MYO18B: variants seen among roughly 807,000 people sequenced by gnomAD.
MYO18B encodes the protein myosin XVIIIB.
In MYO18B, 204 loss-of-function variants were observed where a neutral mutation model predicts 273.0. The observed-to-expected ratio is 0.75, with a 90% CI of 0.67 to 0.84. The LOEUF (loss-of-function observed/expected upper bound fraction) is 0.84, where lower values mean the gene tolerates loss of function less well. Among genes scored for constraint, MYO18B ranks in the 40% least tolerant of loss-of-function variants. The pLI, the probability that MYO18B is intolerant of heterozygous loss-of-function variation, is 0.00. For synonymous variants in MYO18B, 1,330 were observed against 1,305.7 expected, an observed-to-expected ratio of 1.02 and a Z score of -0.40; for missense variants, 3,212 against 3,287.6, an observed-to-expected ratio of 0.98 and a Z score of 0.56.
At chr22:25,751,397 T>C (rs133865) in intron 1 of MYO18B, among the ~76,000 whole-genome samples, 119,289 of 152,188 alleles carry the variant, frequency 0.78, 47,700 homozygotes, top group African/African-American at 0.94. Context: ...CCCTGCACAC[T>C]CTGCCCTACC....
intron 21 of MYO18B, among the ~76,000 whole-genome samples, chr22:25,855,992 A>G (rs1316861872): frequency 6.6e-6 from 1 of 151,854 alleles, no homozygotes; most frequent in Admixed American, 6.6e-5. Flanking sequence ...CCCTCCTCCC[A>G]CTCTTTACCC....
chr22:25,832,439 C>T (rs2089742689), intron 15 of MYO18B, among the ~76,000 whole-genome samples: 1 of 152,096 alleles, frequency 6.6e-6, no homozygotes, highest in Non-Finnish European at 1.5e-5. Context: ...ATTATTCAGC[C>T]TTCAAAAGGA....
chr22:25,841,694 A>G (rs1410086509), intron 17 of MYO18B, among the ~76,000 whole-genome samples: 2 of 152,208 alleles, frequency 1.3e-5, no homozygotes, highest in Non-Finnish European at 2.9e-5. Context: ...GCAAACATCA[A>G]CATCCTTTCT....
At position 25,835,446 on chromosome 22, in the gene MYO18B, A is replaced by G. The variant is rs1394195181; in HGVS notation, c.3208+3A>G. 1.2e-6 allele frequency: 2 copies of G among 1,613,596 alleles called. No homozygotes were observed. Among genetic ancestry groups the G allele is most frequent in the Admixed American group, 1.7e-5 (1 of 60,006 alleles). ...GAAGAAAGGAGCTGGGACTGAAGGTAAGGAAGCAGGGGGCTGGGGATGGGG... is the reference window on the plus strand; with the variant it reads ...GAAGAAAGGAGCTGGGACTGAAGGTGAGGAAGCAGGGGGCTGGGGATGGGG... On this transcript the variant is annotated splice_donor_region_variant and intron_variant, in intron 17 of 43. Coordinates refer to ENST00000335473, the MANE Select transcript of MYO18B (RefSeq NM_032608.7).
chr22:25,954,835 C>T (rs2092830227), intron 38 of MYO18B, among the ~76,000 whole-genome samples: 2 of 152,214 alleles, frequency 1.3e-5, no homozygotes, highest in South Asian at 4.2e-4. Context: ...CCTCAGCCTC[C>T]CAAGTAGCAG....
Position 25,772,377 on chromosome 22 carries a change from T to C in MYO18B, c.1736T>C (p.Leu579Pro), listed in dbSNP as rs1224846194. 3 of 1,613,982 alleles carry C rather than the reference T, an allele frequency of 1.9e-6. No homozygotes were observed. Among genetic ancestry groups the C allele is most frequent in the Non-Finnish European group, 2.5e-6 (3 of 1,179,882 alleles). The part of the protein sequence containing the change: ...ELDQVEDLAS[L>P]ISVNESSVLN... ...GACCAGGTCGAGGACCTGGCCTCTCTCATCAGTGTCAACGAATCCAGTGTC... is the reference window on the plus strand; with the variant it reads ...GACCAGGTCGAGGACCTGGCCTCTCCCATCAGTGTCAACGAATCCAGTGTC... Residue 579 changes from leucine (L) to proline (P), a missense_variant, in exon 7 of 44, where the codon CTC becomes CCC. Coordinates refer to ENST00000335473, the MANE Select transcript of MYO18B (RefSeq NM_032608.7).
At chr22:25,764,824 A>G (rs921984030) in intron 3 of MYO18B, among the ~76,000 whole-genome samples, 2 of 152,120 alleles carry the variant, frequency 1.3e-5, no homozygotes, top group Non-Finnish European at 2.9e-5. Context: ...CTCATTTAAT[A>G]CCCCGTGCAG....
At chr22:26,041,173 A>G in the MYO18B span, among the ~76,000 whole-genome samples, 1 of 151,762 alleles carries the variant, frequency 6.6e-6, no homozygotes, top group Non-Finnish European at 1.5e-5. Flanking sequence ...CTCATAAGCT[A>G]TCATTAGTGT....
chr22:25,912,501 TA>T lies in MYO18B; in HGVS notation c.5364+1456del, dbSNP rs2092177786. ...TAAAGAGAAGGTAAGTTTAAATGAA[TA>T]AAAAGCCATCTTTGTGTTAGTCACC... On this transcript the variant is annotated intron_variant, in intron 33 of 43. Coordinates refer to ENST00000335473, the MANE Select transcript of MYO18B (RefSeq NM_032608.7). Among the ~76,000 whole-genome samples, 3 of 152,198 alleles carry T rather than the reference TA, an allele frequency of 2.0e-5. No homozygotes were observed. The South Asian group carries it at 6.2e-4, about 32-fold the overall frequency.
At chr22:25,963,742 C>A (rs2092946004) in intron 39 of MYO18B, among the ~76,000 whole-genome samples, 1 of 151,638 alleles carries the variant, frequency 6.6e-6, no homozygotes, top group South Asian at 2.1e-4. Flanking sequence ...ATTTCCTCAT[C>A]TGTAAAATAG....
intron 19 of MYO18B, among the ~76,000 whole-genome samples, chr22:25,846,964 C>G (rs5761274): frequency 0.35 from 52,885 of 151,734 alleles, 9,951 homozygotes; most frequent in East Asian, 0.68. Context: ...GTCTGTAGTC[C>G]CGCTACTTGG....
In MYO18B at chr22:25,752,992, C is replaced by T. The variant is rs964283802; in HGVS notation, c.-109-7992C>T. 3.9e-5 allele frequency among the ~76,000 whole-genome samples: 6 copies of T among 152,344 alleles called. No individual in the cohort carries two copies. In the East Asian group the frequency reaches 7.7e-4, roughly 20 times the overall value. On this transcript the variant is annotated intron_variant, in intron 1 of 43. Coordinates refer to ENST00000335473, the MANE Select transcript of MYO18B (RefSeq NM_032608.7). ...GCTGGGTCCCCCAGCACTGCTGGCC[C>T]GCCCGCGCTGCGCTCGAATTCTCAC... is the stretch of plus-strand genomic sequence containing the variant.
chr22:25,871,966 C>G (rs907657452), intron 22 of MYO18B, among the ~76,000 whole-genome samples: 1 of 132,594 alleles, frequency 7.5e-6, no homozygotes, highest in African/African-American at 2.5e-5. Flanking sequence ...GCTGTCATAA[C>G]TTTGATCATT....
In MYO18B at chr22:25,847,477, C is replaced by T; in HGVS notation, c.3600C>T (p.His1200=). 1.3e-6 allele frequency: 2 copies of T among 1,582,082 alleles called. No individual in the cohort carries two copies. The highest frequency in any genetic ancestry group is 1.7e-6 in the Non-Finnish European group (2 of 1,163,820). ...AAAGGTCCCGGCTGCACTTTATCCACTGCCTGGTACCAAACCCTGTGGTGG... is the reference window on the plus strand; with the variant it reads ...AAAGGTCCCGGCTGCACTTTATCCATTGCCTGGTACCAAACCCTGTGGTGG... The part of the protein sequence containing the change: ...MIKRSRLHFI[H]CLVPNPVVES... The change falls in exon 20 of 44, where the codon CAC becomes CAT. Residue 1200 remains histidine, a synonymous_variant. Coordinates refer to ENST00000335473, the MANE Select transcript of MYO18B (RefSeq NM_032608.7).
At chr22:25,885,579 T>C (rs1601465783) in intron 25 of MYO18B, among the ~76,000 whole-genome samples, 1 of 151,558 alleles carries the variant, frequency 6.6e-6, no homozygotes, top group Non-Finnish European at 1.5e-5. Flanking sequence ...GTTTGGGGGG[T>C]TGAGGGGTTG....
intron 34 of MYO18B, among the ~76,000 whole-genome samples, chr22:25,942,769 A>G (rs1225321587): frequency 6.6e-6 from 1 of 152,148 alleles, no homozygotes; most frequent in African/African-American, 2.4e-5. Flanking sequence ...TGGGACTGCT[A>G]ATGCCAAAAC....
At chr22:25,833,896 G>C (rs1448601108) in intron 16 of MYO18B, among the ~76,000 whole-genome samples, 1 of 152,128 alleles carries the variant, frequency 6.6e-6, no homozygotes, top group East Asian at 1.9e-4. Context: ...TGGCTTGCAG[G>C]CTTTCTCTTG....
chr22:25,851,136 T>C lies in MYO18B; in HGVS notation c.3776-334T>C, dbSNP rs375417669. On this transcript the variant is annotated intron_variant, in intron 20 of 43. Transcript: ENST00000335473. ...GGAAACTCAAGGCTTATCAGGCATC[T>C]CCCCTGCATGAGTTCTCAGAGCCTT... Among the ~76,000 whole-genome samples, 263 of 152,278 alleles carry C rather than the reference T, an allele frequency of 1.7e-3. 12 individuals are homozygous for C. The South Asian group carries it at 0.054, about 31-fold the overall frequency.
At chr22:25,874,688 T>A (rs1425724381) in intron 23 of MYO18B, among the ~76,000 whole-genome samples, 1 of 152,114 alleles carries the variant, frequency 6.6e-6, no homozygotes, top group African/African-American at 2.4e-5. Flanking sequence ...CTGGAGAAAT[T>A]CACTTTCACA....
Sources: gnomAD v4.1 joint callset for allele counts (sites outside exome capture counted in the v4.1 genomes callset) on GRCh38, gnomAD v4.1.1 for gene constraint, MANE v1.5 for transcripts, NCBI Gene and HGNC (gene_info 2026-07-23, HGNC 2026-07-21) for gene names.